NELL1: variants seen among roughly 807,000 people sequenced by gnomAD.
NELL1 encodes protein kinase C-binding protein NELL1.
NELL1 carries 76 observed loss-of-function variants against 107.4 expected under a neutral mutation model. That is an observed-to-expected ratio of 0.71 (90% CI 0.59 to 0.86). The LOEUF (loss-of-function observed/expected upper bound fraction) is 0.86, where lower values mean the gene tolerates loss of function less well. Ranked by LOEUF, NELL1 falls within the 40% of genes least tolerant of loss-of-function variation. The probability of loss-of-function intolerance (pLI) is 0.00; values close to 1 mark genes in which losing one functional copy is unlikely to be tolerated. For synonymous variants in NELL1, 353 were observed against 341.2 expected, an observed-to-expected ratio of 1.03 and a Z score of -0.38; for missense variants, 1,024 against 1,005.5, an observed-to-expected ratio of 1.02 and a Z score of -0.25.
chr11:20,754,339 G>C (rs1345282109), intron 2 of NELL1, among the ~76,000 whole-genome samples: 1 of 152,168 alleles, frequency 6.6e-6, no homozygotes, highest in Non-Finnish European at 1.5e-5. Flanking sequence ...ATAGTTTACT[G>C]AACAAACATA....
chr11:21,460,624 A>C (rs1853877300), intron 15 of NELL1, among the ~76,000 whole-genome samples: 1 of 152,084 alleles, frequency 6.6e-6, no homozygotes, highest in African/African-American at 2.4e-5. Flanking sequence ...TGATTTTAAG[A>C]ATAAACTGGG....
At chr11:20,900,974 A>G (rs1389801240) in intron 5 of NELL1, among the ~76,000 whole-genome samples, 2 of 152,134 alleles carry the variant, frequency 1.3e-5, no homozygotes, top group East Asian at 3.9e-4. Context: ...AAACTTCATT[A>G]AATTGATAAA....
chr11:20,787,395 G>A (rs923418073), intron 3 of NELL1, among the ~76,000 whole-genome samples: 6 of 152,170 alleles, frequency 3.9e-5, no homozygotes, highest in Non-Finnish European at 7.3e-5. Flanking sequence ...CTCGCCAAAT[G>A]TTCCCATCTG....
intron 14 of NELL1, among the ~76,000 whole-genome samples, chr11:21,333,884 G>A (rs1485944801): frequency 6.6e-6 from 1 of 152,018 alleles, no homozygotes; most frequent in Non-Finnish European, 1.5e-5. Flanking sequence ...TGGAATTGGA[G>A]TTGGTATCAC....
chr11:20,800,986 A>G (rs576828375), intron 3 of NELL1, among the ~76,000 whole-genome samples: 2 of 152,272 alleles, frequency 1.3e-5, no homozygotes, highest in East Asian at 3.9e-4. Flanking sequence ...AGTTTCCAAC[A>G]TTTGAAAATT....
rs141982828 is a variant in NELL1, at chr11:21,085,105, TTC to T, written c.1301-28482_1301-28481del. On this transcript the variant is annotated intron_variant, in intron 12 of 19. Transcript: ENST00000357134. ...AAATTAAATAAATGTTAACTATTAT[TTC>T]TGTGTTTACATGTTTAGCTATTCAT... is the stretch of plus-strand genomic sequence containing the variant. Among the ~76,000 whole-genome samples the T allele has an allele frequency of 4.4e-3, 674 of 152,328 alleles. 4 individuals are homozygous for T. The highest frequency in any genetic ancestry group is 0.015 in the African/African-American group (642 of 41,568).
intron 11 of NELL1, among the ~76,000 whole-genome samples, chr11:20,959,017 G>T (rs561541446): frequency 6.6e-6 from 1 of 152,160 alleles, no homozygotes; most frequent in Non-Finnish European, 1.5e-5. Flanking sequence ...TTACTCACTG[G>T]AATGTCTTTC....
chr11:20,934,831 G>C (rs1193354285), intron 9 of NELL1, among the ~76,000 whole-genome samples: 3 of 152,140 alleles, frequency 2.0e-5, no homozygotes, highest in African/African-American at 7.2e-5. Context: ...GCTCTCATTA[G>C]GACCAACGAG....
At chr11:21,236,124 A>T (rs145952256) in intron 14 of NELL1, among the ~76,000 whole-genome samples, 8 of 152,148 alleles carry the variant, frequency 5.3e-5, no homozygotes, top group African/African-American at 1.7e-4. Context: ...GCTTAATTCT[A>T]TCCTCTCTTC....
chr11:20,951,885 T>C (rs1851075622), intron 11 of NELL1, among the ~76,000 whole-genome samples: 1 of 151,990 alleles, frequency 6.6e-6, no homozygotes, highest in African/African-American at 2.4e-5. Context: ...CTTGAGGTAA[T>C]GGATGTAGCA....
At chr11:21,346,898 T>C (rs543769720) in intron 14 of NELL1, among the ~76,000 whole-genome samples, 2 of 152,278 alleles carry the variant, frequency 1.3e-5, no homozygotes, top group African/African-American at 4.8e-5. Flanking sequence ...TTACAGAACC[T>C]CTATAGCCTC....
intron 2 of NELL1, among the ~76,000 whole-genome samples, chr11:20,715,499 A>G (rs1220648361): frequency 5.3e-5 from 8 of 152,166 alleles, no homozygotes; most frequent in Admixed American, 2.0e-4. Flanking sequence ...TCAGGAGACT[A>G]TGCCTGTGGA....
At chr11:20,698,746 G>A (rs554547828) in intron 2 of NELL1, among the ~76,000 whole-genome samples, 165 of 152,130 alleles carry the variant, frequency 1.1e-3, no homozygotes, top group African/African-American at 3.8e-3. Context: ...CCATGACCTG[G>A]GTAGTGTACA....
intron 15 of NELL1, among the ~76,000 whole-genome samples, chr11:21,385,190 C>T (rs1260801920): frequency 6.6e-6 from 1 of 151,780 alleles, no homozygotes; most frequent in Admixed American, 6.6e-5. Context: ...TTTCGTATGG[C>T]TTCACTGCCC....
At chr11:21,203,839 T>A (rs376245655) in intron 13 of NELL1, among the ~76,000 whole-genome samples, 1 of 152,328 alleles carries the variant, frequency 6.6e-6, no homozygotes, top group African/African-American at 2.4e-5. Context: ...TGCCTGTCTG[T>A]AAAGTATTTT....
At chr11:21,080,087 C>G (rs1854230217) in intron 12 of NELL1, among the ~76,000 whole-genome samples, 1 of 151,928 alleles carries the variant, frequency 6.6e-6, no homozygotes. Flanking sequence ...TTGAAATGTC[C>G]TAGACACTGT....
chr11:20,982,422 T>C (rs1851768270), intron 12 of NELL1, among the ~76,000 whole-genome samples: 4 of 152,190 alleles, frequency 2.6e-5, no homozygotes, highest in Admixed American at 2.6e-4. Context: ...AATGATTATG[T>C]GGAGCAAACA....
intron 19 of NELL1, among the ~76,000 whole-genome samples, chr11:21,574,713 C>G (rs1451954972): frequency 6.6e-6 from 1 of 151,802 alleles, no homozygotes; most frequent in Non-Finnish European, 1.5e-5. Context: ...GCCTCCCAAG[C>G]AGGGATTGAG....
intron 14 of NELL1, among the ~76,000 whole-genome samples, chr11:21,261,017 C>T (rs900692200): frequency 3.3e-5 from 5 of 151,556 alleles, no homozygotes; most frequent in Admixed American, 3.3e-4. Flanking sequence ...CCCTCTATAC[C>T]TTATTGAATA....
Sources: allele counts gnomAD v4.1 joint callset (sites outside exome capture counted in the v4.1 genomes callset), GRCh38; gene constraint gnomAD v4.1.1; transcripts MANE v1.5; gene names NCBI Gene and HGNC (gene_info 2026-07-23, HGNC 2026-07-21).